DAB1: variants seen among roughly 807,000 people sequenced by gnomAD.
The protein encoded by DAB1 is disabled homolog 1.
Under a neutral mutation model 64.6 loss-of-function variants are expected in DAB1, and 15 were observed. The observed-to-expected ratio is 0.23, with a 90% CI of 0.16 to 0.36. DAB1 has a LOEUF of 0.36. DAB1 is among the 10% of genes least tolerant of loss of function. DAB1 has a pLI of 1.00. For synonymous variants in DAB1, 235 were observed against 251.9 expected, an observed-to-expected ratio of 0.93 and a Z score of 0.64; for missense variants, 596 against 706.7, an observed-to-expected ratio of 0.84 and a Z score of 1.78.
intron 6 of DAB1, among the ~76,000 whole-genome samples, chr1:57,777,419 A>G (rs1240216687): frequency 6.6e-6 from 1 of 151,804 alleles, no homozygotes; most frequent in African/African-American, 2.4e-5. Flanking sequence ...TGAGATTCAA[A>G]TTACGTACAC....
At chr1:58,110,278 T>C (rs1267071720) in intron 5 of DAB1, among the ~76,000 whole-genome samples, 2 of 152,226 alleles carry the variant, frequency 1.3e-5, no homozygotes, top group Non-Finnish European at 2.9e-5. Context: ...ACAATACTTT[T>C]TTTTTACCTT....
At chr1:57,110,895 C>T (rs1426193110) in intron 4 of DAB1, among the ~76,000 whole-genome samples, 1 of 152,080 alleles carries the variant, frequency 6.6e-6, no homozygotes, top group Non-Finnish European at 1.5e-5. Context: ...AAAGTTAAGA[C>T]TCAAACCCAG....
rs930003796 is a variant in DAB1 at position 58,049,354 on chromosome 1, G to A, written n.387+101157C>T. On this transcript the variant is annotated intron_variant and non_coding_transcript_variant, in intron 5 of 20. Coordinates refer to the DAB1 transcript ENST00000485760. ...CGGCGGCATCCACGGGCAGAAAGGA[G>A]CAAGCTGACGAATGTATCTTAACCT... is the stretch of plus-strand genomic sequence containing the variant. 5 of 616,822 alleles carry A rather than the reference G, an allele frequency of 8.1e-6. No homozygotes were observed. The African/African-American group carries it at 9.1e-5, about 11-fold the overall frequency. The allele number at this position is 616,822 out of a possible 1,614,324, so 38.2% of individuals were successfully genotyped here.
intron 6 of DAB1, among the ~76,000 whole-genome samples, chr1:57,691,412 G>A (rs955311811): frequency 6.6e-6 from 1 of 152,146 alleles, no homozygotes; most frequent in Admixed American, 6.5e-5. Context: ...CAGGATGTGG[G>A]TAGGGCCAAA....
intron 7 of DAB1, among the ~76,000 whole-genome samples, chr1:57,502,329 A>AG (rs1382475468): frequency 6.6e-6 from 1 of 150,536 alleles, no homozygotes; most frequent in African/African-American, 2.5e-5. Context: ...AAAAAAAAAA[A>AG]AAAAAAAAAG....
chr1:57,095,217 T>A lies in DAB1; in HGVS notation c.307-22803A>T, dbSNP rs79776802. On this transcript the variant is annotated intron_variant, in intron 4 of 14. Transcript: ENST00000371236. ...CAGATGTCATTCAGAAATTCAGTGC[T>A]ATCCTTTCACAGTGAAGGGGGCCCA... Among the ~76,000 whole-genome samples the A allele has an allele frequency of 5.8e-4, 88 of 152,334 alleles. 1 individual carries two copies. In the East Asian group the frequency reaches 0.014, roughly 24 times the overall value.
At chr1:57,801,671 T>G (rs1396401864) in intron 6 of DAB1, among the ~76,000 whole-genome samples, 2 of 152,110 alleles carry the variant, frequency 1.3e-5, no homozygotes, top group East Asian at 3.9e-4. Context: ...TTTTTATTTT[T>G]TTTTGAGACA....
intron 3 of DAB1, among the ~76,000 whole-genome samples, chr1:58,352,261 C>T (rs902598559): frequency 2.0e-5 from 3 of 152,104 alleles, no homozygotes; most frequent in African/African-American, 7.2e-5. Context: ...GTGCTGAGGA[C>T]ATAATGTAGG....
chr1:58,216,139 T>A (rs1000010638), intron 4 of DAB1, among the ~76,000 whole-genome samples: 1 of 152,170 alleles, frequency 6.6e-6, no homozygotes, highest in Non-Finnish European at 1.5e-5. Flanking sequence ...CATCAACCCA[T>A]CATCTACATT....
chr1:58,124,316 T>C (rs1652932078), intron 5 of DAB1, among the ~76,000 whole-genome samples: 2 of 152,116 alleles, frequency 1.3e-5, no homozygotes, highest in African/African-American at 2.4e-5. Flanking sequence ...ATAGTTATTA[T>C]TAGAAAATAA....
intron 3 of DAB1, among the ~76,000 whole-genome samples, chr1:58,493,921 A>G (rs2100385742): frequency 6.8e-6 from 1 of 147,984 alleles, no homozygotes; most frequent in East Asian, 1.9e-4. Context: ...AAACTACTTT[A>G]AAGTTCATAT....
chr1:58,389,416 C>A (rs1433626146), intron 3 of DAB1, among the ~76,000 whole-genome samples: 3 of 152,298 alleles, frequency 2.0e-5, no homozygotes, highest in Middle Eastern at 3.4e-3. Flanking sequence ...ATAGTCTGAG[C>A]AGCAGAGTGA....
At position 57,431,144 on chromosome 1, in the gene DAB1, A is replaced by C. The variant is rs556945019; in HGVS notation, n.626-139978T>G. 2.0e-4 allele frequency among the ~76,000 whole-genome samples: 17 copies of C among 86,900 alleles called. No homozygotes were observed. In the South Asian group the frequency reaches 6.1e-3, roughly 31 times the overall value. The allele number at this position is 86,900 out of a possible 152,430, so 57.0% of individuals were successfully genotyped here. On this transcript the variant is annotated intron_variant and non_coding_transcript_variant, in intron 7 of 20. Coordinates refer to the DAB1 transcript ENST00000485760. ...AGAAAAAGTATTTCAGGCCAAAAAC[A>C]AAAAAAAAAAAAAGAAAAACAAAAA...
chr1:57,398,084 T>C (rs1682953529), intron 1 of DAB1, among the ~76,000 whole-genome samples: 1 of 152,252 alleles, frequency 6.6e-6, no homozygotes, highest in Admixed American at 6.5e-5. Flanking sequence ...TGCCCAAGTT[T>C]ACCAGAGATA....
chr1:57,819,339 G>T (rs1469909572), intron 6 of DAB1, among the ~76,000 whole-genome samples: 4 of 152,246 alleles, frequency 2.6e-5, no homozygotes, highest in African/African-American at 9.6e-5. Flanking sequence ...TCTAAAAACA[G>T]ATTCTGTTCC....
chr1:57,139,021 A>AGAT (rs1658363246), intron 3 of DAB1, among the ~76,000 whole-genome samples: 1 of 152,166 alleles, frequency 6.6e-6, no homozygotes, highest in South Asian at 2.1e-4. Flanking sequence ...CTGTGTTCTC[A>AGAT]GATAGATTTG....
intron 1 of DAB1, among the ~76,000 whole-genome samples, chr1:57,847,698 T>C (rs183995297): frequency 3.3e-5 from 5 of 152,238 alleles, no homozygotes. Context: ...AGAAATGAGC[T>C]GTTACATAAT....
At chr1:57,223,428 T>C (rs1052863853) in intron 2 of DAB1, among the ~76,000 whole-genome samples, 1 of 152,148 alleles carries the variant, frequency 6.6e-6, no homozygotes, top group Non-Finnish European at 1.5e-5. Context: ...CTCGCTGGCT[T>C]AGAAACTGAG....
intron 1 of DAB1, among the ~76,000 whole-genome samples, chr1:57,882,362 G>C (rs1190578669): frequency 6.6e-6 from 1 of 152,162 alleles, no homozygotes; most frequent in African/African-American, 2.4e-5. Flanking sequence ...AGAATGAAAT[G>C]GAATGTACCA....
Sources: gnomAD v4.1 joint callset for allele counts (sites outside exome capture counted in the v4.1 genomes callset) on GRCh38, gnomAD v4.1.1 for gene constraint, MANE v1.5 for transcripts, NCBI Gene and HGNC (gene_info 2026-07-23, HGNC 2026-07-21) for gene names.